Variants in MDFIC2 observed in about 807,000 individuals in gnomAD.
The protein encoded by MDFIC2 is myoD family inhibitor domain-containing protein 2.
chr3:70,262,238 C>A (rs1234166218), intron 2 of MDFIC2, among the ~76,000 whole-genome samples: 2 of 152,042 alleles, frequency 1.3e-5, no homozygotes, highest in Non-Finnish European at 2.9e-5. Flanking sequence ...AATAATTATA[C>A]CAATAACGTG....
At position 70,196,911 on chromosome 3, in the gene MDFIC2, G is replaced by A. The variant is rs1053151464; in HGVS notation, c.*15C>T. 5.0e-6 allele frequency: 2 copies of A among 398,344 alleles called. No individual in the cohort carries two copies. The highest frequency in any genetic ancestry group is 6.2e-4 in the Middle Eastern group (1 of 1,608). 24.7% of individuals were successfully genotyped at this position (398,344 alleles called of 1,614,324 possible). On this transcript the variant is annotated 3_prime_UTR_variant, in exon 4 of 4. Transcript: ENST00000567252. ...GTGGCCAAAAGGACTGCCGGAATGT[G>A]GTTACTTCACTGTGCTAGCGGTAAC...
chr3:70,299,841 T>G (rs1199558976), intron 2 of MDFIC2, among the ~76,000 whole-genome samples: 2 of 152,144 alleles, frequency 1.3e-5, no homozygotes, highest in Non-Finnish European at 2.9e-5. Flanking sequence ...GGCTTCCCTT[T>G]GTTTAATAAC....
chr3:70,243,506 G>A (rs1701679806), intron 2 of MDFIC2, among the ~76,000 whole-genome samples: 1 of 151,798 alleles, frequency 6.6e-6, no homozygotes, highest in African/African-American at 2.4e-5. Context: ...TTCGTTTTTT[G>A]GCTTTAAGTG....
At chr3:70,268,474 CAAAAAAAAA>C (rs66482424) in intron 2 of MDFIC2, among the ~76,000 whole-genome samples, 2 of 96,616 alleles carry the variant, frequency 2.1e-5, no homozygotes, top group East Asian at 6.6e-4. Flanking sequence ...GACTCCGTCT[CAAAAAAAAA>C]AAAAAAAAAA....
intron 2 of MDFIC2, among the ~76,000 whole-genome samples, chr3:70,212,629 A>G (rs537830690): frequency 6.6e-6 from 1 of 152,128 alleles, no homozygotes; most frequent in East Asian, 1.9e-4. Flanking sequence ...CTCTGAATAC[A>G]GTGACAACTC....
chr3:70,260,472 G>A (rs990946813), intron 2 of MDFIC2, among the ~76,000 whole-genome samples: 1 of 151,948 alleles, frequency 6.6e-6, no homozygotes, highest in African/African-American at 2.4e-5. Flanking sequence ...CATCCCCTCA[G>A]TTCAACTCGT....
At chr3:70,298,852 G>T (rs1386144068) in intron 2 of MDFIC2, among the ~76,000 whole-genome samples, 1 of 152,106 alleles carries the variant, frequency 6.6e-6, no homozygotes, top group African/African-American at 2.4e-5. Flanking sequence ...TGGTCCTGTT[G>T]TTTACTACCT....
At chr3:70,245,858 T>A (rs1244521692) in intron 2 of MDFIC2, among the ~76,000 whole-genome samples, 1 of 151,066 alleles carries the variant, frequency 6.6e-6, no homozygotes, top group Non-Finnish European at 1.5e-5. Flanking sequence ...TTAAAAACAA[T>A]CTCCGCAGAA....
chr3:70,295,473 T>C (rs1019122941), intron 2 of MDFIC2, among the ~76,000 whole-genome samples: 2 of 151,836 alleles, frequency 1.3e-5, no homozygotes, highest in Admixed American at 6.6e-5. Flanking sequence ...GGAGGCCGAG[T>C]GAGATAATCA....
chr3:70,252,943 G>C (rs776054728), intron 2 of MDFIC2, among the ~76,000 whole-genome samples: 8 of 151,986 alleles, frequency 5.3e-5, no homozygotes, highest in Non-Finnish European at 1.0e-4. Flanking sequence ...AGCCGGCTGT[G>C]GTGGCAGGCG....
intron 2 of MDFIC2, among the ~76,000 whole-genome samples, chr3:70,251,920 T>TTATGGCAATATTTAACCAA (rs1235389303): frequency 6.6e-6 from 1 of 152,222 alleles, no homozygotes; most frequent in East Asian, 1.9e-4. Flanking sequence ...TACACTGTAA[T>TTATGGCAATATTTAACCAA]TATGGCAATA....
rs545178080 is a variant in MDFIC2 at position 70,278,549 on chromosome 3, G to T, written c.88+33337C>A. 3.3e-5 allele frequency among the ~76,000 whole-genome samples: 5 copies of T among 152,312 alleles called. No individual in the cohort carries two copies. In the South Asian group the frequency reaches 8.3e-4, roughly 25 times the overall value. ...TATGAGAGTTCAGTCACTCTGTGCT[G>T]TTGTCAGCATTTAGTGTTTTCAGGT... is the stretch of plus-strand genomic sequence containing the variant. On this transcript the variant is annotated intron_variant, in intron 2 of 3. Coordinates refer to ENST00000567252, the MANE Select transcript of MDFIC2 (RefSeq NM_001364677.1).
intron 2 of MDFIC2, among the ~76,000 whole-genome samples, chr3:70,267,834 T>G (rs577131916): frequency 5.3e-5 from 8 of 152,190 alleles, no homozygotes; most frequent in Non-Finnish European, 1.2e-4. Context: ...AATGGAAATT[T>G]AATATGATTA....
In MDFIC2 at chr3:70,201,544, G is replaced by T. The variant is rs529548167; in HGVS notation, c.311-4359C>A. Among the ~76,000 whole-genome samples the T allele has an allele frequency of 3.9e-5, 6 of 152,244 alleles. No homozygotes were observed. In the South Asian group the frequency reaches 1.0e-3, roughly 26 times the overall value. On this transcript the variant is annotated intron_variant, in intron 3 of 3. Coordinates refer to ENST00000567252, the MANE Select transcript of MDFIC2 (RefSeq NM_001364677.1). ...ACAGGCCTCCAGATCACCCTGAGTTGAGTACTATTATGATCCCTGTTTATG... is the reference window on the plus strand; with the variant it reads ...ACAGGCCTCCAGATCACCCTGAGTTTAGTACTATTATGATCCCTGTTTATG...
At chr3:70,230,563 C>G (rs1701548822) in intron 2 of MDFIC2, among the ~76,000 whole-genome samples, 1 of 152,120 alleles carries the variant, frequency 6.6e-6, no homozygotes, top group South Asian at 2.1e-4. Context: ...GGAACTCTCT[C>G]TTGAAATTAC....
chr3:70,302,487 G>C (rs534413732), intron 2 of MDFIC2: 1 of 152,136 alleles, frequency 6.6e-6, no homozygotes, highest in Admixed American at 6.5e-5. Flanking sequence ...TTATACTAAT[G>C]TTGATTAAGT....
In MDFIC2 at chr3:70,274,090, TGCGC is replaced by T. The variant is rs1187285721; in HGVS notation, c.88+37792_88+37795del. Among the ~76,000 whole-genome samples the T allele has an allele frequency of 1.3e-4, 19 of 145,060 alleles. 1 individual carries two copies. The South Asian group carries it at 3.3e-3, about 25-fold the overall frequency. ...GTGTGTGTGTGTGTGTGTGTGTGTGTGCGCGCGCGCATGTGTGTGTGTGAGACTG... is the reference window on the plus strand; with the variant it reads ...GTGTGTGTGTGTGTGTGTGTGTGTGTGCGCGCATGTGTGTGTGTGAGACTG... On this transcript the variant is annotated intron_variant, in intron 2 of 3. Coordinates refer to ENST00000567252, the MANE Select transcript of MDFIC2 (RefSeq NM_001364677.1).
At chr3:70,209,879 A>C (rs1701326187) in intron 2 of MDFIC2, among the ~76,000 whole-genome samples, 1 of 152,030 alleles carries the variant, frequency 6.6e-6, no homozygotes, top group Non-Finnish European at 1.5e-5. Flanking sequence ...CCTTCTTTGC[A>C]CACTCAGGGA....
chr3:70,311,596 A>T (rs1031991380), intron 2 of MDFIC2, among the ~76,000 whole-genome samples: 1 of 152,214 alleles, frequency 6.6e-6, no homozygotes, highest in Non-Finnish European at 1.5e-5. Flanking sequence ...AGCACTGCAA[A>T]GACCTCACAG....
Sources: gnomAD v4.1 joint callset for allele counts (sites outside exome capture counted in the v4.1 genomes callset) on GRCh38, gnomAD v4.1.1 for gene constraint, MANE v1.5 for transcripts, NCBI Gene and HGNC (gene_info 2026-07-23, HGNC 2026-07-21) for gene names.